Variants in DACH1 observed in about 807,000 individuals in gnomAD.
DACH1 encodes the protein dachshund homolog 1.
Under a neutral mutation model 54.2 loss-of-function variants are expected in DACH1, and 12 were observed. The ratio of observed to expected loss-of-function variants is 0.22; its 90% CI spans 0.14 to 0.36. The LOEUF (loss-of-function observed/expected upper bound fraction) is 0.36, where lower values mean the gene tolerates loss of function less well. DACH1 is among the 10% of genes least tolerant of loss of function. The pLI is 1.00. For synonymous variants in DACH1, 386 were observed against 366.2 expected (o/e 1.05, Z -0.62); for missense variants, 805 against 929.8 (o/e 0.87, Z 1.75).
intron 1 of DACH1, among the ~76,000 whole-genome samples, chr13:71,723,703 T>A (rs1883340834): frequency 1.3e-5 from 2 of 152,158 alleles, no homozygotes; most frequent in South Asian, 4.1e-4. Flanking sequence ...TTTTGTTTTG[T>A]TTTTTGAGAC....
At chr13:71,727,438 G>A (rs185053903) in intron 1 of DACH1, among the ~76,000 whole-genome samples, 20 of 151,988 alleles carry the variant, frequency 1.3e-4, no homozygotes, top group African/African-American at 2.4e-4. Flanking sequence ...CTATTATTTC[G>A]CCTGTCTTCA....
intron 6 of DACH1, among the ~76,000 whole-genome samples, chr13:71,489,380 G>C (rs1878803914): frequency 6.6e-6 from 1 of 152,092 alleles, no homozygotes; most frequent in Non-Finnish European, 1.5e-5. Flanking sequence ...TAATGAGACT[G>C]AGTTTACAGT....
chr13:71,784,342 A>G (rs1283177728), intron 1 of DACH1, among the ~76,000 whole-genome samples: 1 of 152,130 alleles, frequency 6.6e-6, no homozygotes, highest in Non-Finnish European at 1.5e-5. Context: ...AATTAAATGT[A>G]GTGGTAGAAT....
chr13:71,746,571 C>G (rs1214432726), intron 1 of DACH1, among the ~76,000 whole-genome samples: 1 of 152,144 alleles, frequency 6.6e-6, no homozygotes, highest in Non-Finnish European at 1.5e-5. Flanking sequence ...TCTTATACCC[C>G]CAGAGCACCA....
intron 6 of DACH1, among the ~76,000 whole-genome samples, chr13:71,552,838 TATATAGAG>T (rs1470048169): frequency 1.2e-3 from 26 of 21,598 alleles, no homozygotes; most frequent in African/African-American, 2.2e-3. Context: ...TATATATATA[TATATAGAG>T]AGAGAGAGAG....
chr13:71,501,387 T>C (rs551150882), intron 6 of DACH1, among the ~76,000 whole-genome samples: 44 of 152,176 alleles, frequency 2.9e-4, no homozygotes, highest in Non-Finnish European at 5.9e-4. Flanking sequence ...TTAGGAGTGA[T>C]AAAGATTATG....
intron 7 of DACH1, among the ~76,000 whole-genome samples, chr13:71,484,230 T>C (rs1395630585): frequency 6.6e-6 from 1 of 152,158 alleles, no homozygotes; most frequent in Non-Finnish European, 1.5e-5. Flanking sequence ...GGTGCCATCA[T>C]AGCTTACTGT....
chr13:71,712,336 T>C (rs1381175552), intron 1 of DACH1, among the ~76,000 whole-genome samples: 3 of 152,064 alleles, frequency 2.0e-5, no homozygotes, highest in Non-Finnish European at 4.4e-5. Flanking sequence ...TAAATTGAAA[T>C]ATCAGGCAAT....
intron 3 of DACH1, among the ~76,000 whole-genome samples, chr13:71,574,647 A>C (rs75892329): frequency 6.6e-6 from 1 of 152,058 alleles, no homozygotes; most frequent in Non-Finnish European, 1.5e-5. Context: ...CTTAGAGTAA[A>C]GTGTTCAGAA....
intron 6 of DACH1, among the ~76,000 whole-genome samples, chr13:71,502,394 A>G (rs553876101): frequency 2.6e-4 from 40 of 152,334 alleles, no homozygotes; most frequent in African/African-American, 9.4e-4. Context: ...GTTTAACTTT[A>G]GGTAGCTTAT....
chr13:71,770,925 C>G (rs768848270), intron 1 of DACH1, among the ~76,000 whole-genome samples: 4 of 151,540 alleles, frequency 2.6e-5, no homozygotes, highest in Non-Finnish European at 5.9e-5. Flanking sequence ...TTTGTGTTAA[C>G]TTCCCTGTAC....
At position 71,484,449 on chromosome 13, in the gene DACH1, G is replaced by T. The variant is rs146417576; in HGVS notation, c.1722+4548C>A. Among the ~76,000 whole-genome samples, 438 of 152,248 alleles carry T rather than the reference G, an allele frequency of 2.9e-3. 1 individual carries two copies. The highest frequency in any genetic ancestry group is 9.9e-3 in the African/African-American group (410 of 41,550). ...CCCAAAGTGCTGGGATTACAGGTAT[G>T]AGTCACAGCACCCAGCCAAGCTGAA... On this transcript the variant is annotated intron_variant, in intron 7 of 10. Coordinates refer to ENST00000613252, the MANE Select transcript of DACH1 (RefSeq NM_080759.6).
At chr13:71,532,078 T>C (rs1882455642) in intron 6 of DACH1, among the ~76,000 whole-genome samples, 1 of 151,924 alleles carries the variant, frequency 6.6e-6, no homozygotes. Flanking sequence ...GCTAATGATA[T>C]TAGTGAACTA....
chr13:71,623,967 A>C (rs535131650), intron 3 of DACH1, among the ~76,000 whole-genome samples: 2 of 151,902 alleles, frequency 1.3e-5, no homozygotes, highest in Non-Finnish European at 2.9e-5. Context: ...TTAGACTCTA[A>C]TTCAAAGCTG....
At chr13:71,613,756 G>A (rs1220526209) in intron 3 of DACH1, among the ~76,000 whole-genome samples, 1 of 152,186 alleles carries the variant, frequency 6.6e-6, no homozygotes. Flanking sequence ...CTGTCACCCA[G>A]TCTGGAGTGC....
chr13:71,469,452 C>T (rs1876879442), intron 10 of DACH1, among the ~76,000 whole-genome samples: 1 of 151,444 alleles, frequency 6.6e-6, no homozygotes, highest in Non-Finnish European at 1.5e-5. Flanking sequence ...CAAATAACAA[C>T]AACAATAATA....
chr13:71,709,890 AGTGCAGTG>A (rs2138775029), intron 1 of DACH1, among the ~76,000 whole-genome samples: 1 of 152,232 alleles, frequency 6.6e-6, no homozygotes, highest in East Asian at 1.9e-4. Context: ...CAAAGAGCAA[AGTGCAGTG>A]GTGGAGTGGC....
At chr13:71,459,820 A>AT (rs1208515452) in intron 10 of DACH1, among the ~76,000 whole-genome samples, 3 of 152,120 alleles carry the variant, frequency 2.0e-5, no homozygotes, top group South Asian at 2.1e-4. Flanking sequence ...TTATACACAT[A>AT]TTTTTTCATG....
At chr13:71,561,285 T>C (rs867163099) in intron 4 of DACH1, among the ~76,000 whole-genome samples, 2 of 152,200 alleles carry the variant, frequency 1.3e-5, no homozygotes, top group Non-Finnish European at 2.9e-5. Context: ...CAAAAAGATC[T>C]GTTGAAGCCC....
Sources: allele counts gnomAD v4.1 joint callset (sites outside exome capture counted in the v4.1 genomes callset), GRCh38; gene constraint gnomAD v4.1.1; transcripts MANE v1.5; gene names NCBI Gene and HGNC (gene_info 2026-07-23, HGNC 2026-07-21).